ACBD6: variants seen among roughly 807,000 people sequenced by gnomAD.
The protein encoded by ACBD6 is acyl-CoA binding domain containing 6.
Under a neutral mutation model 37.2 loss-of-function variants are expected in ACBD6, and 28 were observed. That is an observed-to-expected ratio of 0.75 (90% confidence interval 0.56 to 1.03). ACBD6 has a LOEUF of 1.03. Ranked by LOEUF, ACBD6 falls within the 50% of genes least tolerant of loss-of-function variation. The probability of loss-of-function intolerance (pLI) is 0.00; values close to 1 mark genes in which losing one functional copy is unlikely to be tolerated. For missense variants in ACBD6, 340 were observed against 337.4 expected (o/e 1.01, Z -0.06); for synonymous variants, 113 against 126.8 (o/e 0.89, Z 0.73).
intron 7 of ACBD6, 75 bp downstream of exon 7, chr1:180,314,617 G>T: frequency 1.6e-6 from 2 of 1,255,474 alleles, no homozygotes; most frequent in South Asian, 2.4e-5. Context: ...CACTATATAG[G>T]AATGGACAAA....
chr1:180,466,949 T>G (rs1051379239), intron 3 of ACBD6, among the ~76,000 whole-genome samples: 2 of 152,148 alleles, frequency 1.3e-5, no homozygotes, highest in Non-Finnish European at 2.9e-5. Flanking sequence ...GATGTACCTG[T>G]AAAAACATCT....
At chr1:180,339,897 G>GT (rs1419612715) in intron 6 of ACBD6, among the ~76,000 whole-genome samples, 1 of 151,966 alleles carries the variant, frequency 6.6e-6, no homozygotes, top group Non-Finnish European at 1.5e-5. Context: ...GGCAGATTGG[G>GT]TATCAACTTA....
intron 3 of ACBD6, among the ~76,000 whole-genome samples, chr1:180,468,179 C>A (rs1259169053): frequency 6.6e-6 from 1 of 152,190 alleles, no homozygotes; most frequent in African/African-American, 2.4e-5. Context: ...GAATCATCTG[C>A]CAGTCTTTTC....
At chr1:180,294,465 G>C (rs1287437958) in intron 7 of ACBD6, among the ~76,000 whole-genome samples, 3 of 152,036 alleles carry the variant, frequency 2.0e-5, no homozygotes, top group Non-Finnish European at 4.4e-5. Flanking sequence ...TTGAACCTGG[G>C]AGGTGGAGCC....
At chr1:180,353,871 T>C (rs1652517399) in intron 6 of ACBD6, among the ~76,000 whole-genome samples, 1 of 151,458 alleles carries the variant, frequency 6.6e-6, no homozygotes, top group East Asian at 1.9e-4. Context: ...AAAAACATTT[T>C]AATATAGATA....
At chr1:180,272,213 C>G (rs1187319140) in intron 13 of ACBD6, among the ~76,000 whole-genome samples, 3 of 152,036 alleles carry the variant, frequency 2.0e-5, no homozygotes, top group African/African-American at 7.2e-5. Context: ...TTGCTGAGGT[C>G]TGGAAGCTGG....
At chr1:180,303,457 A>G (rs188794308) in intron 7 of ACBD6, among the ~76,000 whole-genome samples, 1 of 151,104 alleles carries the variant, frequency 6.6e-6, no homozygotes, top group East Asian at 1.9e-4. Flanking sequence ...ACAAACTACC[A>G]TCAGAGAATA....
chr1:180,488,092 T>TTG (rs1050638291), intron 3 of ACBD6, among the ~76,000 whole-genome samples: 10 of 149,748 alleles, frequency 6.7e-5, no homozygotes, highest in Admixed American at 2.7e-4. Context: ...AAAAATGTAT[T>TTG]TGTGTGTGTG....
intron 6 of ACBD6, among the ~76,000 whole-genome samples, chr1:180,348,684 T>C (rs1652285820): frequency 6.6e-6 from 1 of 152,170 alleles, no homozygotes; most frequent in African/African-American, 2.4e-5. Context: ...GAGAAGTAAA[T>C]TGTAAGCCTG....
chr1:180,331,917 A>G (rs1651498234), intron 6 of ACBD6, among the ~76,000 whole-genome samples: 1 of 152,202 alleles, frequency 6.6e-6, no homozygotes, highest in Non-Finnish European at 1.5e-5. Flanking sequence ...CTCCTACTAG[A>G]GAGTATATTC....
chr1:180,407,814 T>C (rs1647685691), intron 5 of ACBD6, among the ~76,000 whole-genome samples: 1 of 152,244 alleles, frequency 6.6e-6, no homozygotes, highest in African/African-American at 2.4e-5. Context: ...CTCTGTAAAC[T>C]ATCACATGCA....
intron 6 of ACBD6, among the ~76,000 whole-genome samples, chr1:180,326,774 C>A (rs916275088): frequency 1.4e-4 from 22 of 152,124 alleles, no homozygotes; most frequent in African/African-American, 5.3e-4. Flanking sequence ...GGTGATGAAT[C>A]CTGCAGGACT....
At position 180,453,605 on chromosome 1, in the gene ACBD6, T is replaced by C. The variant is rs565556053; in HGVS notation, c.385-23343A>G. ...TCAAATAGGAAGAGAGGAAGTCAAATTGTCTCTGTTTACAGATGGCATGAT... is the reference window on the plus strand; with the variant it reads ...TCAAATAGGAAGAGAGGAAGTCAAACTGTCTCTGTTTACAGATGGCATGAT... On this transcript the variant is annotated intron_variant, in intron 3 of 7. Coordinates refer to ENST00000367595, the MANE Select transcript of ACBD6 (RefSeq NM_032360.4). Among the ~76,000 whole-genome samples the C allele has an allele frequency of 5.9e-5, 9 of 152,304 alleles. No homozygotes were observed. The East Asian group carries it at 1.7e-3, about 29-fold the overall frequency.
intron 6 of ACBD6, among the ~76,000 whole-genome samples, chr1:180,335,115 A>G (rs1410546518): frequency 1.3e-5 from 2 of 152,228 alleles, no homozygotes; most frequent in East Asian, 3.8e-4. Flanking sequence ...GAACTTCCCC[A>G]AACTAGCAAG....
At chr1:180,499,090 T>G (rs890630307) in intron 1 of ACBD6, among the ~76,000 whole-genome samples, 5 of 152,202 alleles carry the variant, frequency 3.3e-5, no homozygotes, top group Non-Finnish European at 7.3e-5. Context: ...GATGCTAAGT[T>G]TAGAGTTCTC....
chr1:180,459,635 T>C (rs1014888815), intron 3 of ACBD6, among the ~76,000 whole-genome samples: 1 of 152,218 alleles, frequency 6.6e-6, no homozygotes, highest in Non-Finnish European at 1.5e-5. Context: ...AGGGGTTTGG[T>C]AGTCTCTGGC....
intron 3 of ACBD6, among the ~76,000 whole-genome samples, chr1:180,457,089 T>C (rs1448503901): frequency 6.6e-6 from 1 of 152,042 alleles, no homozygotes; most frequent in East Asian, 1.9e-4. Flanking sequence ...TGTAAACACA[T>C]ACCCTTGGCT....
intron 5 of ACBD6, among the ~76,000 whole-genome samples, chr1:180,411,350 T>C (rs1241239725): frequency 6.6e-6 from 1 of 152,228 alleles, no homozygotes. Context: ...GTGGGTATAA[T>C]GCTATCAAAC....
intron 4 of ACBD6, among the ~76,000 whole-genome samples, chr1:180,426,753 C>T (rs535797936): frequency 1.2e-4 from 19 of 152,152 alleles, no homozygotes; most frequent in Non-Finnish European, 2.2e-4. Flanking sequence ...ACTTATTTTG[C>T]ACCAGGTACT....
Sources: gnomAD v4.1 joint callset for allele counts (sites outside exome capture counted in the v4.1 genomes callset) on GRCh38, gnomAD v4.1.1 for gene constraint, MANE v1.5 for transcripts, NCBI Gene and HGNC (gene_info 2026-07-23, HGNC 2026-07-21) for gene names.